Variants in SCN11A observed in about 807,000 individuals in gnomAD.
SCN11A encodes sodium channel protein type 11 subunit alpha.
SCN11A carries 122 observed loss-of-function variants against 162.2 expected under a neutral mutation model. The observed-to-expected ratio is 0.75, with a 90% CI of 0.65 to 0.87. The LOEUF (loss-of-function observed/expected upper bound fraction) is 0.87. Ranked by LOEUF, SCN11A falls within the 40% of genes least tolerant of loss-of-function variation. The pLI is 0.00. For missense variants in SCN11A, 2,015 were observed against 2,181.6 expected (o/e 0.92, Z 1.52); for synonymous variants, 758 against 751.5 (o/e 1.01, Z -0.14).
Position 39,009,406 on chromosome 3 carries a change from G to A in SCN11A, c.-280+22974C>T, listed in dbSNP as rs148866095. On this transcript the variant is annotated intron_variant, in intron 2 of 29. Coordinates refer to ENST00000302328, the MANE Select transcript of SCN11A (RefSeq NM_001349253.2). ...AAAAATAAAAAGTGCATATATATAT[G>A]TGTGTGTCTATATATATACATATAT... 2.9e-4 allele frequency among the ~76,000 whole-genome samples: 44 copies of A among 151,360 alleles called. 1 individual carries two copies. The East Asian group carries it at 5.8e-3, about 20-fold the overall frequency.
intron 2 of SCN11A, among the ~76,000 whole-genome samples, chr3:39,010,237 T>C (rs2125602208): frequency 6.6e-6 from 1 of 152,188 alleles, no homozygotes; most frequent in African/African-American, 2.4e-5. Context: ...GGTAGTGGCC[T>C]CTAGAAGGGG....
At chr3:38,848,491 T>A (rs1441183585) in intron 29 of SCN11A, among the ~76,000 whole-genome samples, 1 of 152,120 alleles carries the variant, frequency 6.6e-6, no homozygotes, top group East Asian at 1.9e-4. Flanking sequence ...GGCAGCAGAA[T>A]GCTCTGCTGT....
At chr3:38,893,071 C>T (rs141879400) in intron 19 of SCN11A, among the ~76,000 whole-genome samples, 37 of 151,920 alleles carry the variant, frequency 2.4e-4, no homozygotes, top group African/African-American at 7.7e-4. Flanking sequence ...CAGAGATTGC[C>T]AGAATAGATA....
intron 2 of SCN11A, among the ~76,000 whole-genome samples, chr3:38,994,333 G>T (rs918122241): frequency 6.6e-6 from 1 of 152,200 alleles, no homozygotes; most frequent in African/African-American, 2.4e-5. Flanking sequence ...TGAGCACCCA[G>T]GATACTGAGC....
intron 3 of SCN11A, among the ~76,000 whole-genome samples, chr3:38,954,656 A>G (rs1440780708): frequency 6.6e-6 from 1 of 152,126 alleles, no homozygotes; most frequent in Non-Finnish European, 1.5e-5. Context: ...ACAAACAAAA[A>G]AACAAAAAAA....
intron 2 of SCN11A, among the ~76,000 whole-genome samples, chr3:38,965,599 C>T (rs574109734): frequency 6.6e-6 from 1 of 152,196 alleles, no homozygotes; most frequent in African/African-American, 2.4e-5. Flanking sequence ...ACCTTGTGGC[C>T]ACTCTGAGTC....
At position 38,846,967 on chromosome 3, in the gene SCN11A, A is replaced by G. The variant is rs1320634918; in HGVS notation, c.5103T>C (p.Asp1701=). 6.2e-7 allele frequency: 1 copy of G among 1,613,934 alleles called. No individual in the cohort carries two copies. The highest frequency in any genetic ancestry group is 8.5e-7 in the Non-Finnish European group (1 of 1,179,972). Residue 1701 remains aspartate, a synonymous_variant, in exon 30 of 30, where the codon GAT becomes GAC. Coordinates refer to ENST00000302328, the MANE Select transcript of SCN11A (RefSeq NM_001349253.2). Reference sequence around the variant, plus strand: ...TCTCTTCCATCATTGCTTTCATACTATCTAGGCCATCAGAGCCACCGAGTA... The same window carrying G: ...TCTCTTCCATCATTGCTTTCATACTGTCTAGGCCATCAGAGCCACCGAGTA... ...ARVLGGSDGL[D]SMKAMMEEKF... is the part of the protein sequence containing the mutation.
intron 13 of SCN11A, among the ~76,000 whole-genome samples, chr3:38,908,545 A>G (rs1221540471): frequency 1.3e-5 from 2 of 152,212 alleles, no homozygotes; most frequent in African/African-American, 4.8e-5. Flanking sequence ...TAAAGATTCC[A>G]AGGAAACTAT....
intron 2 of SCN11A, among the ~76,000 whole-genome samples, chr3:38,989,090 T>C (rs2030367721): frequency 6.6e-6 from 1 of 152,170 alleles, no homozygotes; most frequent in Admixed American, 6.5e-5. Context: ...CTGGTTCTCC[T>C]GTGATGCTCA....
chr3:38,898,070 T>A (rs1297912025), intron 17 of SCN11A, among the ~76,000 whole-genome samples: 1 of 151,688 alleles, frequency 6.6e-6, no homozygotes, highest in Non-Finnish European at 1.5e-5. Context: ...AACCCCCATC[T>A]CTACAAAAAA....
intron 2 of SCN11A, among the ~76,000 whole-genome samples, chr3:38,987,334 CA>C (rs2030291747): frequency 6.8e-6 from 1 of 148,096 alleles, no homozygotes; most frequent in African/African-American, 2.5e-5. Flanking sequence ...CACACACACA[CA>C]CACACACCTG....
chr3:39,028,915 T>C (rs2031673452), intron 2 of SCN11A, among the ~76,000 whole-genome samples: 1 of 152,124 alleles, frequency 6.6e-6, no homozygotes, highest in African/African-American at 2.4e-5. Flanking sequence ...CTTTTCAACA[T>C]CATTACATTG....
At chr3:39,049,351 T>C (rs2032266128) in intron 1 of SCN11A, among the ~76,000 whole-genome samples, 1 of 152,254 alleles carries the variant, frequency 6.6e-6, no homozygotes, top group Non-Finnish European at 1.5e-5. Flanking sequence ...CAGAGTGAAT[T>C]TCTTGGTCAA....
intron 2 of SCN11A, among the ~76,000 whole-genome samples, chr3:38,995,284 C>T (rs778824011): frequency 3.3e-5 from 5 of 152,020 alleles, no homozygotes; most frequent in Non-Finnish European, 5.9e-5. Flanking sequence ...CCATGCCCAG[C>T]TAATTTTTTG....
intron 15 of SCN11A, among the ~76,000 whole-genome samples, chr3:38,904,561 G>A (rs542312974): frequency 6.6e-6 from 1 of 152,240 alleles, no homozygotes; most frequent in East Asian, 1.9e-4. Flanking sequence ...TCCTCTAGTT[G>A]AGTTCAGACC....
At chr3:39,024,957 G>A (rs1051560355) in intron 2 of SCN11A, among the ~76,000 whole-genome samples, 11 of 152,204 alleles carry the variant, frequency 7.2e-5, no homozygotes, top group Middle Eastern at 3.4e-3. Flanking sequence ...ACATAAATTT[G>A]TATGCCTTTT....
chr3:38,941,191 G>A (rs931385935), intron 7 of SCN11A, among the ~76,000 whole-genome samples: 1 of 152,164 alleles, frequency 6.6e-6, no homozygotes, highest in African/African-American at 2.4e-5. Flanking sequence ...ATTTAGGGAG[G>A]AAATCCTGGA....
intron 15 of SCN11A, 108 bp downstream of exon 15, chr3:38,905,084 G>A (rs530990960): frequency 3.7e-4 from 539 of 1,447,054 alleles, no homozygotes; most frequent in Non-Finnish European, 4.8e-4. Context: ...CAGTGGGTTG[G>A]TTCCAAAACA....
chr3:38,878,605 G>A (rs758266801), intron 23 of SCN11A, among the ~76,000 whole-genome samples: 3 of 152,054 alleles, frequency 2.0e-5, no homozygotes, highest in Non-Finnish European at 4.4e-5. Flanking sequence ...ACTGACAAAC[G>A]TGGATGTTTT....
Sources: allele counts gnomAD v4.1 joint callset (sites outside exome capture counted in the v4.1 genomes callset), GRCh38; gene constraint gnomAD v4.1.1; transcripts MANE v1.5; gene names NCBI Gene and HGNC (gene_info 2026-07-23, HGNC 2026-07-21).